Variants in WDR27 observed in about 807,000 individuals in gnomAD.
WDR27 encodes WD repeat domain 27, also known as WD repeat-containing protein 27.
A neutral mutation model predicts 114.4 loss-of-function variants in WDR27; 100 were observed. That is an observed-to-expected ratio of 0.87 (90% CI 0.74 to 1.03). The LOEUF is 1.03. Ranked by LOEUF, WDR27 falls within the 50% of genes least tolerant of loss-of-function variation. WDR27 has a pLI of 0.00. For synonymous variants in WDR27, 449 were observed against 423.1 expected (o/e 1.06, Z -0.75); for missense variants, 1,129 against 1,092.9 (o/e 1.03, Z -0.47).
intron 22 of WDR27, among the ~76,000 whole-genome samples, chr6:169,607,080 A>G (rs1809352018): frequency 6.6e-6 from 1 of 152,234 alleles, no homozygotes; most frequent in South Asian, 2.1e-4. Context: ...TAAAAAAGCA[A>G]AAAGTAACAG....
chr6:169,497,419 G>A (rs910840260), intron 25 of WDR27, among the ~76,000 whole-genome samples: 2 of 152,012 alleles, frequency 1.3e-5, no homozygotes, highest in Non-Finnish European at 2.9e-5. Flanking sequence ...GTTGGACTTC[G>A]TGAAAATTTT....
intron 1 of WDR27, among the ~76,000 whole-genome samples, chr6:169,692,317 A>C (rs1784718480): frequency 6.6e-6 from 1 of 152,226 alleles, no homozygotes; most frequent in East Asian, 1.9e-4. Context: ...AGGGTGAAAG[A>C]AGCTTCCAAC....
the WDR27 span, among the ~76,000 whole-genome samples, chr6:169,445,819 G>A: frequency 6.6e-6 from 1 of 152,214 alleles, no homozygotes. Flanking sequence ...CCCAGCTCTC[G>A]AAGCTTCTCA....
At chr6:169,458,596 G>A (rs1784561533) in intron 25 of WDR27, among the ~76,000 whole-genome samples, 1 of 152,106 alleles carries the variant, frequency 6.6e-6, no homozygotes, top group African/African-American at 2.4e-5. Flanking sequence ...TTCAAGGCCA[G>A]CCTGACCAAT....
In WDR27 at chr6:169,668,514, A is replaced by G. The variant is rs547083266; in HGVS notation, c.457-329T>C. The G allele has an allele frequency of 4.3e-5, 10 of 230,946 alleles. No individual in the cohort carries two copies. In the East Asian group the frequency reaches 1.3e-3, roughly 29 times the overall value. The allele number at this position is 230,946 out of a possible 1,614,324, so 14.3% of individuals were successfully genotyped here. A position where few individuals can be genotyped will look rare whatever the true frequency, so the allele number is the denominator to read the frequency against. On this transcript the variant is annotated intron_variant, in intron 4 of 25. Transcript: ENST00000448612. ...TCCTACAAGACAAGACGGTGCGGCA[A>G]TAGGCGCTCATGAGTTACCCTTTCC... is the stretch of plus-strand genomic sequence containing the variant.
At chr6:169,639,958 G>T (rs1818751221) in intron 17 of WDR27, among the ~76,000 whole-genome samples, 2 of 152,162 alleles carry the variant, frequency 1.3e-5, no homozygotes, top group Non-Finnish European at 2.9e-5. Flanking sequence ...TGTGTGGCAT[G>T]GTGAGGAGGG....
intron 2 of WDR27, among the ~76,000 whole-genome samples, chr6:169,685,954 G>A (rs1782832106): frequency 6.6e-6 from 1 of 152,104 alleles, no homozygotes; most frequent in Non-Finnish European, 1.5e-5. Flanking sequence ...AGCAGCAAAA[G>A]CATCAAGTCA....
Position 169,475,832 on chromosome 6 carries a change from A to G in WDR27, c.2646-18198T>C, listed in dbSNP as rs539993599. On this transcript the variant is annotated intron_variant, in intron 25 of 25. Transcript: ENST00000448612. ...CTGTGTCTTTGAAAGCATTTTTTTA[A>G]TTCTCTAATAGGGAAAATATAAAGT... Among the ~76,000 whole-genome samples the G allele has an allele frequency of 4.6e-5, 7 of 152,092 alleles. No individual in the cohort carries two copies. In the East Asian group the frequency reaches 1.2e-3, roughly 25 times the overall value.
intron 1 of WDR27, among the ~76,000 whole-genome samples, chr6:169,700,560 C>A (rs539650737): frequency 6.6e-6 from 1 of 152,156 alleles, no homozygotes; most frequent in Non-Finnish European, 1.5e-5. Context: ...TGGCTAAATG[C>A]GGAGAATTCA....
At chr6:169,553,289 T>G (rs1798448780) in intron 25 of WDR27, among the ~76,000 whole-genome samples, 2 of 152,142 alleles carry the variant, frequency 1.3e-5, no homozygotes, top group South Asian at 4.2e-4. Flanking sequence ...CAGCAACGTC[T>G]CCCTGCCCAT....
chr6:169,578,243 G>C (rs1802776528), intron 24 of WDR27, among the ~76,000 whole-genome samples: 1 of 152,166 alleles, frequency 6.6e-6, no homozygotes, highest in Non-Finnish European at 1.5e-5. Context: ...TTAGGTGAGA[G>C]GTCAGCATAA....
At chr6:169,518,534 C>T (rs1793970989) in intron 25 of WDR27, among the ~76,000 whole-genome samples, 1 of 152,232 alleles carries the variant, frequency 6.6e-6, no homozygotes, top group Non-Finnish European at 1.5e-5. Flanking sequence ...GCTAGAATGG[C>T]CTAGATGCAG....
At chr6:169,544,425 C>G (rs1797199273) in intron 25 of WDR27, among the ~76,000 whole-genome samples, 1 of 145,100 alleles carries the variant, frequency 6.9e-6, no homozygotes, top group Non-Finnish European at 1.5e-5. Flanking sequence ...CATTTCTTTT[C>G]CTTTTTTTTT....
intron 23 of WDR27, 112 bp downstream of exon 23, chr6:169,602,107 C>A: frequency 3.0e-6 from 2 of 668,872 alleles, no homozygotes; most frequent in East Asian, 2.8e-5. Context: ...AAATATTGAC[C>A]AACAGTCAAG....
intron 25 of WDR27, among the ~76,000 whole-genome samples, chr6:169,529,561 G>A (rs1795349453): frequency 6.6e-6 from 1 of 152,106 alleles, no homozygotes; most frequent in Non-Finnish European, 1.5e-5. Flanking sequence ...AGAATAGAGG[G>A]TTTTTTAAAT....
chr6:169,636,186 T>C (rs1817624567), intron 19 of WDR27, among the ~76,000 whole-genome samples, 185 bp downstream of exon 19: 1 of 152,236 alleles, frequency 6.6e-6, no homozygotes, highest in Admixed American at 6.5e-5. Flanking sequence ...GCCCCGCGCA[T>C]AGTAATACAA....
chr6:169,490,058 C>T (rs1789544421), intron 25 of WDR27, among the ~76,000 whole-genome samples: 1 of 152,230 alleles, frequency 6.6e-6, no homozygotes, highest in Admixed American at 6.5e-5. Flanking sequence ...CTGAACAGGA[C>T]ATGGACCCGT....
intron 22 of WDR27, among the ~76,000 whole-genome samples, chr6:169,602,549 T>C (rs956518728): frequency 2.6e-5 from 4 of 152,176 alleles, no homozygotes; most frequent in African/African-American, 9.7e-5. Context: ...ACAAAACTAA[T>C]AGTAAATAAG....
chr6:169,622,722 C>G (rs1181672407), intron 21 of WDR27, among the ~76,000 whole-genome samples: 1 of 152,198 alleles, frequency 6.6e-6, no homozygotes, highest in Non-Finnish European at 1.5e-5. Context: ...CTCAGGAGAG[C>G]ACTGCAGTGT....
Sources: allele counts gnomAD v4.1 joint callset (sites outside exome capture counted in the v4.1 genomes callset), GRCh38; gene constraint gnomAD v4.1.1; transcripts MANE v1.5; gene names NCBI Gene and HGNC (gene_info 2026-07-23, HGNC 2026-07-21).